JAZF1: variants seen among roughly 807,000 people sequenced by gnomAD.
The protein encoded by JAZF1 is juxtaposed with another zinc finger protein 1.
In JAZF1, 8 loss-of-function variants were observed where a neutral mutation model predicts 26.4. The ratio of observed to expected loss-of-function variants is 0.30; its 90% confidence interval spans 0.18 to 0.55. The LOEUF (loss-of-function observed/expected upper bound fraction) is 0.55. Among genes scored for constraint, JAZF1 ranks in the 20% least tolerant of loss-of-function variants. JAZF1 has a pLI of 0.94. For missense variants in JAZF1, 199 were observed against 322.0 expected (o/e 0.62, Z 2.92); for synonymous variants, 126 against 122.3 (o/e 1.03, Z -0.20).
At chr7:27,918,330 CA>C (rs1784476393) in intron 2 of JAZF1, among the ~76,000 whole-genome samples, 1 of 152,174 alleles carries the variant, frequency 6.6e-6, no homozygotes, top group South Asian at 2.1e-4. Flanking sequence ...GTTACATCTT[CA>C]TCATCACTCC....
At chr7:27,889,922 G>T (rs1300701676) in intron 3 of JAZF1, among the ~76,000 whole-genome samples, 1 of 112,922 alleles carries the variant, frequency 8.9e-6, no homozygotes, top group Non-Finnish European at 1.8e-5. Flanking sequence ...GATAGAGTGA[G>T]ACTTTCTCTC....
At chr7:28,090,771 T>G (rs1464647509) in intron 1 of JAZF1, among the ~76,000 whole-genome samples, 1 of 151,938 alleles carries the variant, frequency 6.6e-6, no homozygotes. Flanking sequence ...TCTTTTCCTA[T>G]TCAAGCTCTT....
chr7:28,112,053 G>A (rs1250732581), intron 1 of JAZF1, among the ~76,000 whole-genome samples: 2 of 152,126 alleles, frequency 1.3e-5, no homozygotes, highest in East Asian at 3.8e-4. Flanking sequence ...TTGACTGGTG[G>A]CAAAGGATAC....
At position 28,005,882 on chromosome 7, in the gene JAZF1, T is replaced by TAA. The variant is rs11355665; in HGVS notation, c.116-13903_116-13902dup. 8.7e-3 allele frequency among the ~76,000 whole-genome samples: 1,205 copies of TAA among 138,058 alleles called. 18 individuals carry two copies. The highest frequency in any genetic ancestry group is 0.029 in the African/African-American group (1,070 of 37,012). The allele number at this position is 138,058 out of a possible 152,430, so 90.6% of individuals were successfully genotyped here. A position where few individuals can be genotyped will look rare whatever the true frequency, so the allele number is the denominator to read the frequency against. ...AATTAACTCTGGACTTTCTGTTGCTTAAAAAAAAAAAAAAAAAGGCTTAAA... is the reference window on the plus strand; with the variant it reads ...AATTAACTCTGGACTTTCTGTTGCTTAAAAAAAAAAAAAAAAAAAGGCTTAAA... On this transcript the variant is annotated intron_variant, in intron 1 of 4. Transcript: ENST00000283928.
intron 1 of JAZF1, among the ~76,000 whole-genome samples, chr7:28,113,114 T>C (rs748008304): frequency 4.6e-5 from 7 of 152,166 alleles, no homozygotes; most frequent in Non-Finnish European, 5.9e-5. Context: ...CACAGCCTTG[T>C]TGTGCAACAT....
intron 1 of JAZF1, among the ~76,000 whole-genome samples, chr7:27,997,156 C>A (rs115445418): frequency 9.7e-4 from 147 of 152,252 alleles, no homozygotes; most frequent in African/African-American, 3.5e-3. Flanking sequence ...CAGCCAGGAT[C>A]TGAAGACCCT....
intron 1 of JAZF1, among the ~76,000 whole-genome samples, chr7:28,049,022 T>TCCC (rs1783544831): frequency 5.4e-5 from 3 of 55,248 alleles, no homozygotes; most frequent in African/African-American, 2.5e-4. Context: ...CCTCCCTCCC[T>TCCC]TCCCTTCCCC....
chr7:27,837,396 A>G (rs1001236341), intron 4 of JAZF1, among the ~76,000 whole-genome samples: 2 of 152,244 alleles, frequency 1.3e-5, no homozygotes, highest in African/African-American at 4.8e-5. Flanking sequence ...GAATCCTCCC[A>G]TGGCTTTGGG....
intron 1 of JAZF1, among the ~76,000 whole-genome samples, chr7:28,036,564 G>A (rs902628405): frequency 3.9e-5 from 6 of 152,186 alleles, no homozygotes; most frequent in East Asian, 1.9e-4. Context: ...AAAAAGGCTC[G>A]CACTGGAGGA....
intron 1 of JAZF1, among the ~76,000 whole-genome samples, chr7:28,081,321 C>T (rs565143434): frequency 1.7e-4 from 26 of 152,230 alleles, no homozygotes; most frequent in African/African-American, 4.3e-4. Context: ...ATGACCAGCT[C>T]GGAGGAACCA....
intron 2 of JAZF1, among the ~76,000 whole-genome samples, chr7:27,975,925 A>C (rs1197696087): frequency 6.6e-6 from 1 of 152,224 alleles, no homozygotes; most frequent in Non-Finnish European, 1.5e-5. Flanking sequence ...ACATCACCCA[A>C]CTGTGACAAG....
At chr7:27,947,258 T>C (rs1784935868) in intron 2 of JAZF1, among the ~76,000 whole-genome samples, 1 of 152,258 alleles carries the variant, frequency 6.6e-6, no homozygotes, top group Admixed American at 6.5e-5. Flanking sequence ...TGCCAAAGGA[T>C]GCTCATAATG....
chr7:27,942,710 C>T (rs1318468069), intron 2 of JAZF1, among the ~76,000 whole-genome samples: 1 of 152,204 alleles, frequency 6.6e-6, no homozygotes, highest in Non-Finnish European at 1.5e-5. Flanking sequence ...ATTACCTCCA[C>T]AATGCTTTTA....
chr7:27,871,395 A>G (rs1005841548), intron 3 of JAZF1, among the ~76,000 whole-genome samples: 3 of 152,208 alleles, frequency 2.0e-5, no homozygotes, highest in Non-Finnish European at 4.4e-5. Flanking sequence ...GTTTTGCTCT[A>G]TAAGGAGAAT....
chr7:27,996,694 G>C (rs912405444), intron 1 of JAZF1, among the ~76,000 whole-genome samples: 9 of 152,160 alleles, frequency 5.9e-5, no homozygotes, highest in Admixed American at 4.6e-4. Flanking sequence ...TCCTCACTCT[G>C]CACCACTGTG....
intron 1 of JAZF1, among the ~76,000 whole-genome samples, chr7:28,073,561 C>T (rs1257788740): frequency 2.0e-5 from 3 of 152,128 alleles, no homozygotes; most frequent in South Asian, 2.1e-4. Flanking sequence ...AGTATTCTCC[C>T]GGGAGACAAT....
chr7:27,863,484 C>T (rs975534446), intron 3 of JAZF1, among the ~76,000 whole-genome samples: 7 of 152,214 alleles, frequency 4.6e-5, no homozygotes, highest in Admixed American at 3.3e-4. Flanking sequence ...CACCTCCCTG[C>T]CGAGGGAGCC....
chr7:28,066,741 C>T (rs967713483), intron 1 of JAZF1, among the ~76,000 whole-genome samples: 7 of 151,998 alleles, frequency 4.6e-5, no homozygotes, highest in Admixed American at 1.3e-4. Flanking sequence ...CTCAAGCTCA[C>T]GGTTACCACC....
chr7:27,866,626 C>T (rs1783477998), intron 3 of JAZF1, among the ~76,000 whole-genome samples: 1 of 152,156 alleles, frequency 6.6e-6, no homozygotes, highest in African/African-American at 2.4e-5. Context: ...AATTAAATGT[C>T]TGGATTTGAA....
Sources: gnomAD v4.1 joint callset for allele counts (sites outside exome capture counted in the v4.1 genomes callset) on GRCh38, gnomAD v4.1.1 for gene constraint, MANE v1.5 for transcripts, NCBI Gene and HGNC (gene_info 2026-07-23, HGNC 2026-07-21) for gene names.